The following ALOX12 variants were observed in gnomAD, a reference collection of about 807,000 sequenced individuals.
ALOX12 encodes polyunsaturated fatty acid lipoxygenase ALOX12.
Under a neutral mutation model 85.5 loss-of-function variants are expected in ALOX12, and 62 were observed. That is an observed-to-expected ratio of 0.73 (90% CI 0.59 to 0.90). The LOEUF (loss-of-function observed/expected upper bound fraction) is 0.90, where lower values mean the gene tolerates loss of function less well. Among genes scored for constraint, ALOX12 ranks in the 40% least tolerant of loss-of-function variants. The pLI, the probability that ALOX12 is intolerant of heterozygous loss-of-function variation, is 0.00. For missense variants in ALOX12, 751 were observed against 856.5 expected (o/e 0.88, Z 1.54); for synonymous variants, 299 against 332.7 (o/e 0.90, Z 1.10).
At chr17:7,008,727 CAG>C (rs1203382104) in intron 11 of ALOX12, among the ~76,000 whole-genome samples, 4 of 149,350 alleles carry the variant, frequency 2.7e-5, no homozygotes, top group Middle Eastern at 3.2e-3. Flanking sequence ...GCCTGGGCAA[CAG>C]AGCAAGACTC....
At position 7,001,821 on chromosome 17, in the gene ALOX12, A is replaced by G; in HGVS notation, c.1161+10A>G. On this transcript the variant is annotated intron_variant, in intron 8 of 13. Coordinates refer to ENST00000251535, the MANE Select transcript of ALOX12 (RefSeq NM_000697.3). ...GCACCCCATCTTCAAGGTACTTATT[A>G]ATCTATTAAATCACATATCCCTCAG... The G allele has an allele frequency of 6.2e-7, 1 of 1,609,296 alleles. No individual in the cohort carries two copies. Among genetic ancestry groups the G allele is most frequent in the Non-Finnish European group, 8.5e-7 (1 of 1,175,818 alleles).
At chr17:6,997,689 C>G (rs1252017242) in intron 2 of ALOX12, among the ~76,000 whole-genome samples, 1 of 151,502 alleles carries the variant, frequency 6.6e-6, no homozygotes, top group African/African-American at 2.4e-5. Context: ...TCCCGAGTAG[C>G]TGGGACTACA....
chr17:7,001,660 C>A lies in ALOX12; in HGVS notation c.1010C>A (p.Pro337Gln), dbSNP rs183466632. ...TPTLFLPSDP[P>Q]LAWLLAKSWV... ...ACACTGTTCCTGCCCTCAGACCCCCCACTTGCCTGGCTCCTGGCAAAGTCC... is the reference window on the plus strand; with the variant it reads ...ACACTGTTCCTGCCCTCAGACCCCCAACTTGCCTGGCTCCTGGCAAAGTCC... Residue 337 changes from proline (P) to glutamine (Q), a missense_variant, in exon 8 of 14, where the codon CCA becomes CAA. Pro to Gln is a moderately conservative substitution (Grantham distance 76). Coordinates refer to ENST00000251535, the MANE Select transcript of ALOX12 (RefSeq NM_000697.3). 22 of 1,614,198 alleles carry A rather than the reference C, an allele frequency of 1.4e-5. 1 individual carries two copies. Among genetic ancestry groups the A allele is most frequent in the African/African-American group, 1.2e-4 (9 of 75,036 alleles).
At chr17:7,005,423 T>A in intron 9 of ALOX12, 80 bp downstream of exon 9, 1 of 1,203,782 alleles carries the variant, frequency 8.3e-7, no homozygotes, top group Non-Finnish European at 1.2e-6. Flanking sequence ...ATCAACTATG[T>A]GTGAATGTCC....
Position 6,996,870 on chromosome 17 carries a change from G to A in ALOX12, c.180G>A (p.Leu60=), listed in dbSNP as rs745825725. ...DHDVAEDLGL[L]QFVRLRKHHW... ...ACGTTGCAGAGGACTTGGGGCTCCT[G>A]CAGTTCGTGAGGCTGCGCAAGCACC... Residue 60 remains leucine (L), a synonymous_variant, in exon 2 of 14, where the codon CTG becomes CTA. Transcript: ENST00000251535. 2.5e-6 allele frequency: 4 copies of A among 1,614,004 alleles called. No homozygotes were observed. The highest frequency in any genetic ancestry group is 3.4e-6 in the Non-Finnish European group (4 of 1,179,862).
chr17:7,005,420 ATG>A, intron 9 of ALOX12, 77 bp downstream of exon 9: 1 of 1,124,654 alleles, frequency 8.9e-7, no homozygotes, highest in South Asian at 1.2e-5. Context: ...AAGATCAACT[ATG>A]TGTGAATGTC....
At chr17:7,004,656 G>A (rs1908948275) in intron 8 of ALOX12, among the ~76,000 whole-genome samples, 1 of 152,028 alleles carries the variant, frequency 6.6e-6, no homozygotes, top group Non-Finnish European at 1.5e-5. Flanking sequence ...GCTTAAACAG[G>A]TAGCTGAATA....
intron 8 of ALOX12, chr17:7,002,228 T>C (rs1908746325): frequency 3.0e-6 from 1 of 331,432 alleles, no homozygotes; most frequent in South Asian, 2.4e-5. Context: ...TTCTACCCAA[T>C]TGAGGAGTCA....
At chr17:7,003,888 T>C (rs1277654002) in intron 8 of ALOX12, among the ~76,000 whole-genome samples, 6 of 152,102 alleles carry the variant, frequency 3.9e-5, no homozygotes, top group Admixed American at 6.5e-5. Context: ...AAAGGTGTCA[T>C]TGGGGTCATT....
intron 11 of ALOX12, 53 bp downstream of exon 11, chr17:7,006,660 C>T (rs1289358948): frequency 1.3e-6 from 2 of 1,517,782 alleles, no homozygotes; most frequent in Middle Eastern, 1.8e-4. Context: ...TGCCAGGGCG[C>T]CTTCCCAGCC....
chr17:6,998,907 G>T, intron 4 of ALOX12, 46 bp from the exon 5 acceptor site: 1 of 1,613,994 alleles, frequency 6.2e-7, no homozygotes, highest in South Asian at 1.1e-5. Context: ...AGACGGTGAG[G>T]GACTGAGGGA....
rs147402591 is a variant in ALOX12, at chr17:6,996,929, G to C, written c.239G>C (p.Arg80Pro). The C allele has an allele frequency of 6.2e-7, 1 of 1,607,772 alleles. No individual in the cohort carries two copies. Among genetic ancestry groups the C allele is most frequent in the African/African-American group, 1.3e-5 (1 of 74,954 alleles). The stretch of plus-strand genomic sequence containing the variant: ...GTGGACGACGCGTGGTTCTGCGACC[G>C]CATCACGGTGCAGGGCCCTGGAGCC... The part of the protein sequence containing the change: ...WLVDDAWFCD[R>P]ITVQGPGACA... Residue 80 changes from arginine (R) to proline (P), a missense_variant, in exon 2 of 14, where the codon CGC (arginine) becomes CCC (proline). Physicochemically the swap from Arg to Pro is moderately radical, Grantham distance 103. Coordinates refer to ENST00000251535, the MANE Select transcript of ALOX12 (RefSeq NM_000697.3).
At chr17:6,997,456 A>T (rs1035555609) in intron 2 of ALOX12, among the ~76,000 whole-genome samples, 2 of 152,110 alleles carry the variant, frequency 1.3e-5, no homozygotes, top group African/African-American at 2.4e-5. Flanking sequence ...AGGATGCTGG[A>T]GAGCTGGTTT....
intron 6 of ALOX12, among the ~76,000 whole-genome samples, chr17:6,999,877 G>A (rs181232311): frequency 7.9e-5 from 12 of 152,314 alleles, no homozygotes; most frequent in Non-Finnish European, 1.2e-4. Context: ...AAATGTGTGC[G>A]TATGCATGTG....
At position 7,009,852 on chromosome 17, in the gene ALOX12, G is replaced by T; in HGVS notation, c.1641+5G>T. On this transcript the variant is annotated splice_donor_5th_base_variant and intron_variant, in intron 12 of 13. Transcript: ENST00000251535. ...GCCGCCATCAACCAGGGCCAGGTAT[G>T]GACAGCTGAAAGCCCAGGTCCCTGA... 2 of 1,614,168 alleles carry T rather than the reference G, an allele frequency of 1.2e-6. No individual in the cohort carries two copies. Among genetic ancestry groups the T allele is most frequent in the Non-Finnish European group, 1.7e-6 (2 of 1,179,986 alleles).
At chr17:6,997,795 C>G (rs868539372) in intron 2 of ALOX12, among the ~76,000 whole-genome samples, 2 of 151,876 alleles carry the variant, frequency 1.3e-5, no homozygotes, top group South Asian at 2.1e-4. Context: ...CTCCTGACCT[C>G]GTGATCCGCC....
intron 4 of ALOX12, 30 bp downstream of exon 4, chr17:6,998,867 A>G: frequency 6.2e-7 from 1 of 1,614,168 alleles, no homozygotes; most frequent in African/African-American, 1.3e-5. Flanking sequence ...TCGGAGTGAA[A>G]TAAGGGCTGG....
At chr17:7,001,193 T>C (rs771718990) in intron 7 of ALOX12, 14 of 180,460 alleles carry the variant, frequency 7.8e-5, no homozygotes, top group Non-Finnish European at 1.4e-4. Flanking sequence ...TCAAGTAATC[T>C]GCCTGCCTCG....
chr17:7,009,986 C>T lies in ALOX12; in HGVS notation c.1672C>T (p.Pro558Ser). 6.2e-7 allele frequency: 1 copy of T among 1,614,078 alleles called. No homozygotes were observed. The highest frequency in any genetic ancestry group is 8.5e-7 in the Non-Finnish European group (1 of 1,180,002). Reference protein sequence around the residue: ...LDWYAWVPNAPCTMRMPPPTT... With the variant: ...LDWYAWVPNASCTMRMPPPTT... Reference sequence around the variant, plus strand: ...CTGGTATGCCTGGGTCCCTAATGCTCCATGCACAATGCGGATGCCCCCACC... The same window carrying T: ...CTGGTATGCCTGGGTCCCTAATGCTTCATGCACAATGCGGATGCCCCCACC... Residue 558 changes from proline (P) to serine (S), a missense_variant, in exon 13 of 14, where the codon CCA becomes TCA. Coordinates refer to ENST00000251535, the MANE Select transcript of ALOX12 (RefSeq NM_000697.3).
Sources: allele counts gnomAD v4.1 joint callset (sites outside exome capture counted in the v4.1 genomes callset), GRCh38; gene constraint gnomAD v4.1.1; transcripts MANE v1.5; gene names NCBI Gene and HGNC (gene_info 2026-07-23, HGNC 2026-07-21).